The following BCR variants were observed in gnomAD, a reference collection of about 807,000 sequenced individuals.
BCR encodes breakpoint cluster region protein.
A neutral mutation model predicts 138.6 loss-of-function variants in BCR; 58 were observed. The ratio of observed to expected loss-of-function variants is 0.42; its 90% confidence interval spans 0.34 to 0.52. BCR has a LOEUF of 0.52. Among genes scored for constraint, BCR ranks in the 20% least tolerant of loss-of-function variants. BCR has a pLI of 0.06. For synonymous variants in BCR, 786 were observed against 730.1 expected, an observed-to-expected ratio of 1.08 and a Z score of -1.23; for missense variants, 1,599 against 1,727.2, an observed-to-expected ratio of 0.93 and a Z score of 1.32.
intron 1 of BCR, among the ~76,000 whole-genome samples, chr22:23,246,305 C>T (rs964582732): frequency 1.4e-4 from 21 of 152,136 alleles, no homozygotes; most frequent in Non-Finnish European, 2.6e-4. Flanking sequence ...TAATGGCACA[C>T]ACCTGTAATG....
In BCR at chr22:23,295,067, T is replaced by C; in HGVS notation, c.2924T>C (p.Leu975Pro). The C allele has an allele frequency of 6.2e-7, 1 of 1,614,154 alleles. No individual in the cohort carries two copies. Among genetic ancestry groups the C allele is most frequent in the Non-Finnish European group, 8.5e-7 (1 of 1,180,018 alleles). ...ELEGSQTLRI[L>P]CYEKCYNKTK... ...GAGGGCTCCCAGACCCTGAGGATAC[T>C]GTGCTATGAAAAGTGTTACAACAAG... is the stretch of plus-strand genomic sequence containing the variant. The change falls in exon 16 of 23, where the codon CTG becomes CCG. Residue 975 changes from leucine to proline, a missense_variant. Transcript: ENST00000305877.
intron 1 of BCR, chr22:23,198,425 C>T (rs748983218): frequency 7.1e-6 from 3 of 424,210 alleles, no homozygotes; most frequent in South Asian, 5.2e-5. Flanking sequence ...GTTGGTGACC[C>T]CCAAAGAGAG....
Position 23,181,024 on chromosome 22 carries a change from C to T in BCR, c.64C>T (p.Arg22Cys), listed in dbSNP as rs774090412. 4 of 1,500,708 alleles carry T rather than the reference C, an allele frequency of 2.7e-6. No homozygotes were observed. The highest frequency in any genetic ancestry group is 3.9e-5 in the Admixed American group (2 of 51,052). The allele number at this position is 1,500,708 out of a possible 1,614,324, so 93.0% of individuals were successfully genotyped here. A position where few individuals can be genotyped will look rare whatever the true frequency, so the allele number is the denominator to read the frequency against. ...KAQFPDSEPP[R>C]MELRSVGDIE... is the part of the protein sequence containing the mutation. ...GCAGTTCCCGGACTCAGAGCCCCCGCGCATGGAGCTGCGCTCAGTGGGCGA... is the reference window on the plus strand; with the variant it reads ...GCAGTTCCCGGACTCAGAGCCCCCGTGCATGGAGCTGCGCTCAGTGGGCGA... The change falls in exon 1 of 23, where the codon CGC (arginine) becomes TGC (cysteine). Residue 22 changes from arginine to cysteine, a missense_variant. Arg to Cys is a radical substitution (Grantham distance 180). This residue lies in a region of BCR where 806 missense variants were observed against 635.0 expected (regional missense o/e 1.27). Transcript: ENST00000305877.
At chr22:23,277,890 C>G (rs2073597730) in intron 8 of BCR, among the ~76,000 whole-genome samples, 1 of 152,148 alleles carries the variant, frequency 6.6e-6, no homozygotes. Flanking sequence ...GGCAGGTGCT[C>G]CAGCTTCCTG....
chr22:23,311,454 A>G (rs897301749), intron 18 of BCR, among the ~76,000 whole-genome samples: 1 of 151,966 alleles, frequency 6.6e-6, no homozygotes, highest in Non-Finnish European at 1.5e-5. Context: ...CCTTCCCGCA[A>G]AGGTCATGTG....
chr22:23,229,197 T>A (rs2072925733), intron 1 of BCR, among the ~76,000 whole-genome samples: 1 of 152,238 alleles, frequency 6.6e-6, no homozygotes, highest in African/African-American at 2.4e-5. Context: ...TCCTATTTGG[T>A]TCTTTTTTAT....
chr22:23,212,595 T>C (rs528665625), intron 1 of BCR, among the ~76,000 whole-genome samples: 1 of 152,266 alleles, frequency 6.6e-6, no homozygotes, highest in African/African-American at 2.4e-5. Flanking sequence ...GCCGCCAGCA[T>C]CTCCAGCAGA....
At chr22:23,199,911 C>T (rs1466661326) in intron 1 of BCR, among the ~76,000 whole-genome samples, 12 of 151,996 alleles carry the variant, frequency 7.9e-5, no homozygotes. Context: ...AGTGAAACCC[C>T]GTCTCTACTA....
intron 16 of BCR, among the ~76,000 whole-genome samples, chr22:23,300,103 A>G (rs1156698237): frequency 6.6e-6 from 1 of 152,238 alleles, no homozygotes; most frequent in Non-Finnish European, 1.5e-5. Context: ...TTGTGCAGCC[A>G]TCACCACCAT....
intron 1 of BCR, among the ~76,000 whole-genome samples, chr22:23,225,832 C>T (rs1430928405): frequency 3.9e-5 from 6 of 152,228 alleles, no homozygotes; most frequent in Non-Finnish European, 7.3e-5. Flanking sequence ...GGCCAGTTCA[C>T]TATTCATTTC....
At chr22:23,218,237 G>A (rs1341677803) in intron 1 of BCR, among the ~76,000 whole-genome samples, 1 of 152,200 alleles carries the variant, frequency 6.6e-6, no homozygotes, top group African/African-American at 2.4e-5. Flanking sequence ...GCAGGTCTGA[G>A]CCCCCGGAGC....
intron 2 of BCR, among the ~76,000 whole-genome samples, chr22:23,258,713 C>T (rs966120402): frequency 2.0e-5 from 3 of 152,200 alleles, no homozygotes; most frequent in Non-Finnish European, 4.4e-5. Flanking sequence ...GGCAAGGATG[C>T]TGCACAGAAT....
At chr22:23,207,257 C>T (rs957783123) in intron 1 of BCR, among the ~76,000 whole-genome samples, 2 of 152,092 alleles carry the variant, frequency 1.3e-5, no homozygotes, top group Non-Finnish European at 2.9e-5. Context: ...GAAGTGAGTA[C>T]CAACCAGGCA....
chr22:23,297,204 G>GTTTTTTTTTTTTTTTT (rs1568979500), intron 16 of BCR, among the ~76,000 whole-genome samples: 11 of 124,182 alleles, frequency 8.9e-5, no homozygotes, highest in African/African-American at 3.9e-4. Context: ...GCCTGGCTAA[G>GTTTTTTTTTTTTTTTT]TTGTTTTTTG....
chr22:23,180,916 G>A lies in BCR; in HGVS notation c.-45G>A, dbSNP rs1179270506. The A allele has an allele frequency of 9.4e-7, 1 of 1,066,256 alleles. No individual in the cohort carries two copies. Among genetic ancestry groups the A allele is most frequent in the Non-Finnish European group, 1.1e-6 (1 of 880,260 alleles). The allele number at this position is 1,066,256 out of a possible 1,614,324, so 66.0% of individuals were successfully genotyped here. A position where few individuals can be genotyped will look rare whatever the true frequency, so the allele number is the denominator to read the frequency against. On this transcript the variant is annotated 5_prime_UTR_variant, in exon 1 of 23. Coordinates refer to ENST00000305877, the MANE Select transcript of BCR (RefSeq NM_004327.4). The stretch of plus-strand genomic sequence containing the variant: ...CGAGGCGCCGCGCCGCCGCTGAGAC[G>A]GGCCCCGCGCGCAGCCCGGCGGCGC...
chr22:23,259,970 A>C (rs2146273761), intron 2 of BCR, among the ~76,000 whole-genome samples: 2 of 152,350 alleles, frequency 1.3e-5, no homozygotes, highest in African/African-American at 4.8e-5. Context: ...CCTGAGCGAC[A>C]GAGTGAGACA....
chr22:23,293,296 G>T (rs537410105), intron 15 of BCR, among the ~76,000 whole-genome samples: 1 of 152,212 alleles, frequency 6.6e-6, no homozygotes, highest in Admixed American at 6.5e-5. Flanking sequence ...AGCTGGGCCT[G>T]CAGAGAGCTG....
At chr22:23,310,473 C>A in intron 18 of BCR, 40 bp downstream of exon 18, 1 of 739,334 alleles carries the variant, frequency 1.4e-6, no homozygotes. Flanking sequence ...CTGAGGGTGC[C>A]TGTCCCTTCA....
chr22:23,271,398 T>G (rs2073507820), intron 5 of BCR, 134 bp from the exon 6 acceptor site: 1 of 897,938 alleles, frequency 1.1e-6, no homozygotes, highest in Non-Finnish European at 1.7e-6. Context: ...ACCCTGTGAC[T>G]TCATTATCAG....
Sources: allele counts gnomAD v4.1 joint callset (sites outside exome capture counted in the v4.1 genomes callset), GRCh38; gene constraint gnomAD v4.1.1; regional missense constraint gnomAD v4.1.1; transcripts MANE v1.5; gene names NCBI Gene and HGNC (gene_info 2026-07-23, HGNC 2026-07-21).